ITFG1: variants seen among roughly 807,000 people sequenced by gnomAD.
The protein encoded by ITFG1 is integrin alpha FG-GAP repeat containing 1, also known as T-cell immunomodulatory protein.
ITFG1 carries 34 observed loss-of-function variants against 81.8 expected under a neutral mutation model. The observed-to-expected ratio is 0.42, with a 90% CI of 0.32 to 0.55. ITFG1 has a LOEUF of 0.55. Ranked by LOEUF, ITFG1 falls within the 20% of genes least tolerant of loss-of-function variation. The pLI is 0.17. For synonymous variants in ITFG1, 285 were observed against 270.6 expected (o/e 1.05, Z -0.52); for missense variants, 672 against 755.4 (o/e 0.89, Z 1.29).
intron 8 of ITFG1, among the ~76,000 whole-genome samples, chr16:47,350,625 T>G (rs1177116665): frequency 1.3e-5 from 2 of 152,230 alleles, no homozygotes; most frequent in Non-Finnish European, 2.9e-5. Context: ...AGCCGAATTC[T>G]ACCTGAGGTA....
intron 10 of ITFG1, among the ~76,000 whole-genome samples, chr16:47,279,310 G>GT (rs1741307524): frequency 6.6e-6 from 1 of 152,050 alleles, no homozygotes; most frequent in Non-Finnish European, 1.5e-5. Flanking sequence ...TAGTTTTTGT[G>GT]TAAGATATGA....
At chr16:47,222,413 C>CTTTTT (rs1043034196) in intron 13 of ITFG1, among the ~76,000 whole-genome samples, 6 of 130,908 alleles carry the variant, frequency 4.6e-5, no homozygotes, top group African/African-American at 8.7e-5. Flanking sequence ...GAGTTTCTTT[C>CTTTTT]TTTTTTTTTT....
chr16:47,288,471 T>C (rs1343223061), intron 10 of ITFG1, among the ~76,000 whole-genome samples: 1 of 152,228 alleles, frequency 6.6e-6, no homozygotes, highest in Non-Finnish European at 1.5e-5. Flanking sequence ...CTGGAACGTA[T>C]GGCAGGTATG....
intron 8 of ITFG1, among the ~76,000 whole-genome samples, chr16:47,345,393 T>C (rs1967839293): frequency 1.3e-5 from 2 of 151,814 alleles, no homozygotes; most frequent in African/African-American, 2.4e-5. Context: ...CTCTGCCTCC[T>C]GGGTTCAAGC....
At chr16:47,156,809 C>T (rs368431090) in intron 17 of ITFG1, among the ~76,000 whole-genome samples, 5 of 152,158 alleles carry the variant, frequency 3.3e-5, no homozygotes, top group South Asian at 2.1e-4. Flanking sequence ...GTAAAAAATA[C>T]GACTGTGGAG....
At chr16:47,373,462 G>T (rs1393750924) in intron 7 of ITFG1, among the ~76,000 whole-genome samples, 1 of 152,008 alleles carries the variant, frequency 6.6e-6, no homozygotes, top group African/African-American at 2.4e-5. Flanking sequence ...TCTATTTTTA[G>T]TAGAGACGGG....
At chr16:47,193,487 G>C (rs1965317812) in intron 14 of ITFG1, among the ~76,000 whole-genome samples, 1 of 152,054 alleles carries the variant, frequency 6.6e-6, no homozygotes, top group African/African-American at 2.4e-5. Flanking sequence ...TTGAGCCCAA[G>C]AGTTCAAGGC....
chr16:47,297,351 A>G (rs1363368995), intron 10 of ITFG1, among the ~76,000 whole-genome samples: 1 of 152,156 alleles, frequency 6.6e-6, no homozygotes, highest in Non-Finnish European at 1.5e-5. Context: ...CAGCATGTAG[A>G]TGGCTGATTT....
At chr16:47,211,184 C>T (rs1319139861) in intron 14 of ITFG1, among the ~76,000 whole-genome samples, 2 of 152,160 alleles carry the variant, frequency 1.3e-5, no homozygotes, top group Non-Finnish European at 2.9e-5. Flanking sequence ...TTTATTTAGA[C>T]GACTGATTTC....
rs1427377434 is a variant in ITFG1, at chr16:47,260,429, A to C, written c.1221+116T>G. ...ACATTAAAAGGGGCTTTCCTTAATT[A>C]ACTCATTTGCTTTTTGTTGTGTTGT... On this transcript the variant is annotated intron_variant, in intron 11 of 17. Transcript: ENST00000320640. 6.6e-6 allele frequency: 7 copies of C among 1,067,348 alleles called. No homozygotes were observed. The Admixed American group carries it at 1.5e-4, about 23-fold the overall frequency. The allele number at this position is 1,067,348 out of a possible 1,614,324, so 66.1% of individuals were successfully genotyped here. A position where few individuals can be genotyped will look rare whatever the true frequency, so the allele number is the denominator to read the frequency against.
At chr16:47,235,410 A>T (rs1023561728) in intron 13 of ITFG1, among the ~76,000 whole-genome samples, 2 of 152,222 alleles carry the variant, frequency 1.3e-5, no homozygotes, top group African/African-American at 4.8e-5. Flanking sequence ...GCTGGAAAAT[A>T]GGCTGTGGTC....
chr16:47,364,910 T>C (rs941039255), intron 8 of ITFG1, among the ~76,000 whole-genome samples: 2 of 152,212 alleles, frequency 1.3e-5, no homozygotes, highest in Non-Finnish European at 2.9e-5. Context: ...CAGGATGGAC[T>C]TGAATTCCTG....
chr16:47,410,620 A>G (rs528446099), intron 6 of ITFG1, among the ~76,000 whole-genome samples: 2 of 152,300 alleles, frequency 1.3e-5, no homozygotes, highest in African/African-American at 4.8e-5. Context: ...GCCTGGCCTT[A>G]CTGAGCACCT....
At chr16:47,207,301 G>A (rs1480912025) in intron 14 of ITFG1, among the ~76,000 whole-genome samples, 1 of 152,120 alleles carries the variant, frequency 6.6e-6, no homozygotes, top group Non-Finnish European at 1.5e-5. Flanking sequence ...AGCCAGGATG[G>A]TCTCGATCTC....
intron 14 of ITFG1, among the ~76,000 whole-genome samples, chr16:47,191,386 T>A: frequency 6.6e-6 from 1 of 151,718 alleles, no homozygotes; most frequent in South Asian, 2.1e-4. Flanking sequence ...TCTTAAAACA[T>A]CATGAGTTTT....
chr16:47,237,829 T>C, intron 13 of ITFG1, 136 bp downstream of exon 13: 1 of 555,080 alleles, frequency 1.8e-6, no homozygotes, highest in Non-Finnish European at 3.2e-6. Context: ...AGCACAGTTT[T>C]CTTGAGTAAT....
intron 5 of ITFG1, among the ~76,000 whole-genome samples, chr16:47,442,030 C>T (rs891330070): frequency 6.6e-6 from 1 of 152,084 alleles, no homozygotes; most frequent in Non-Finnish European, 1.5e-5. Flanking sequence ...TTCTTATATA[C>T]CAAAAACAGA....
chr16:47,447,340 T>G (rs1969336960), intron 5 of ITFG1, among the ~76,000 whole-genome samples: 1 of 152,326 alleles, frequency 6.6e-6, no homozygotes. Context: ...AAGATGATCT[T>G]TCTGAATTAC....
intron 8 of ITFG1, among the ~76,000 whole-genome samples, chr16:47,347,706 C>G (rs1185998387): frequency 6.6e-6 from 1 of 152,196 alleles, no homozygotes; most frequent in African/African-American, 2.4e-5. Context: ...GTGGTTCTCC[C>G]AGCACAGAGT....
Sources: gnomAD v4.1 joint callset for allele counts (sites outside exome capture counted in the v4.1 genomes callset) on GRCh38, gnomAD v4.1.1 for gene constraint, MANE v1.5 for transcripts, NCBI Gene and HGNC (gene_info 2026-07-23, HGNC 2026-07-21) for gene names.